GAS2: variants seen among roughly 807,000 people sequenced by gnomAD.
The protein encoded by GAS2 is growth arrest specific 2.
A neutral mutation model predicts 37.5 loss-of-function variants in GAS2; 20 were observed. The ratio of observed to expected loss-of-function variants is 0.53; its 90% CI spans 0.37 to 0.77. The LOEUF (loss-of-function observed/expected upper bound fraction) is 0.77. Ranked by LOEUF, GAS2 falls within the 30% of genes least tolerant of loss-of-function variation. GAS2 has a pLI of 0.00. For synonymous variants in GAS2, 144 were observed against 132.2 expected, an observed-to-expected ratio of 1.09 and a Z score of -0.61; for missense variants, 336 against 373.4, an observed-to-expected ratio of 0.90 and a Z score of 0.82.
chr11:22,648,573 A>ATT (rs1848732820), intron 1 of GAS2, among the ~76,000 whole-genome samples: 1 of 152,162 alleles, frequency 6.6e-6, no homozygotes, highest in Admixed American at 6.6e-5. Context: ...ATGTTCTTCC[A>ATT]TTTGTTTGTA....
At chr11:22,670,551 G>T (rs973719910) in intron 1 of GAS2, among the ~76,000 whole-genome samples, 26 of 151,986 alleles carry the variant, frequency 1.7e-4, no homozygotes, top group Non-Finnish European at 1.5e-5. Flanking sequence ...ATTGCTTTCC[G>T]TTTTGGGATA....
At chr11:22,695,132 C>T (rs1372901053) in intron 3 of GAS2, among the ~76,000 whole-genome samples, 2 of 151,904 alleles carry the variant, frequency 1.3e-5, no homozygotes, top group African/African-American at 4.8e-5. Flanking sequence ...CCAGCCTGGC[C>T]AACATGGTAA....
At chr11:22,794,880 A>G (rs1017224228) in intron 7 of GAS2, among the ~76,000 whole-genome samples, 1 of 152,096 alleles carries the variant, frequency 6.6e-6, no homozygotes, top group African/African-American at 2.4e-5. Flanking sequence ...AAACTTCTCT[A>G]CCTTGTTCTG....
chr11:22,690,438 C>T (rs964856106), intron 3 of GAS2, among the ~76,000 whole-genome samples: 1 of 151,992 alleles, frequency 6.6e-6, no homozygotes, highest in African/African-American at 2.4e-5. Context: ...TAACCTTAGC[C>T]TTTGTGTAGT....
chr11:22,642,985 G>T (rs887109519), intron 1 of GAS2, among the ~76,000 whole-genome samples: 10 of 152,218 alleles, frequency 6.6e-5, no homozygotes, highest in South Asian at 4.1e-4. Context: ...TCAGTGCATA[G>T]AGTCTAAGGT....
chr11:22,690,729 G>A (rs1344659731), intron 3 of GAS2, among the ~76,000 whole-genome samples: 3 of 152,110 alleles, frequency 2.0e-5, no homozygotes, highest in African/African-American at 4.8e-5. Context: ...TAGGTTTTAT[G>A]TCTTTTGACT....
chr11:22,803,187 A>G (rs574639805), intron 7 of GAS2, among the ~76,000 whole-genome samples: 24 of 152,240 alleles, frequency 1.6e-4, no homozygotes, highest in South Asian at 4.2e-4. Context: ...GCATTAAAAT[A>G]AAAAACCAGT....
intron 5 of GAS2, among the ~76,000 whole-genome samples, chr11:22,747,209 TTTACATTCAAA>T (rs897741797): frequency 6.4e-4 from 97 of 152,240 alleles, no homozygotes; most frequent in Non-Finnish European, 1.1e-3. Context: ...AGAGAATTTT[TTTACATTCAAA>T]TGGTAGCTGT....
chr11:22,628,015 A>G (rs143080647), intron 1 of GAS2, among the ~76,000 whole-genome samples: 82 of 152,330 alleles, frequency 5.4e-4, no homozygotes, highest in African/African-American at 1.8e-3. Context: ...CTTTAGCTTC[A>G]TACCTTTCTA....
intron 1 of GAS2, among the ~76,000 whole-genome samples, chr11:22,657,703 T>A (rs1188670558): frequency 6.6e-6 from 1 of 152,204 alleles, no homozygotes; most frequent in Non-Finnish European, 1.5e-5. Context: ...TTTTCTTCTT[T>A]TAACCTGCAG....
chr11:22,699,909 C>T (rs892224564), intron 3 of GAS2, among the ~76,000 whole-genome samples: 3 of 152,238 alleles, frequency 2.0e-5, no homozygotes, highest in Middle Eastern at 3.4e-3. Context: ...TGGCTTCATA[C>T]CTTGATTGCT....
chr11:22,686,996 G>A (rs1426637867), intron 3 of GAS2, among the ~76,000 whole-genome samples: 2 of 151,990 alleles, frequency 1.3e-5, no homozygotes, highest in East Asian at 3.9e-4. Flanking sequence ...AAACTTTGCT[G>A]CACATTGGAA....
chr11:22,754,578 T>G lies in GAS2; in HGVS notation c.616-1268T>G, dbSNP rs952713822. Among the ~76,000 whole-genome samples the G allele has an allele frequency of 4.6e-5, 7 of 151,296 alleles. 1 individual carries two copies. The highest frequency in any genetic ancestry group is 4.0e-4 in the Admixed American group (6 of 15,170). ...CATAATTGTACATGCGATAAATTTA[T>G]GAGATAAATTTAATTTCAGGGTTTT... On this transcript the variant is annotated intron_variant, in intron 6 of 7. Transcript: ENST00000454584.
At chr11:22,810,203 G>A (rs1447158330) in intron 7 of GAS2, among the ~76,000 whole-genome samples, 1 of 152,172 alleles carries the variant, frequency 6.6e-6, no homozygotes, top group Non-Finnish European at 1.5e-5. Flanking sequence ...GGGAAGAAAT[G>A]TAGCCATGAA....
intron 4 of GAS2, among the ~76,000 whole-genome samples, chr11:22,729,965 A>T (rs1852396772): frequency 6.6e-6 from 1 of 151,790 alleles, no homozygotes; most frequent in African/African-American, 2.4e-5. Context: ...AAATGTATTA[A>T]AAGGCAATTA....
chr11:22,751,988 A>T (rs544495536), intron 6 of GAS2, among the ~76,000 whole-genome samples: 5 of 152,206 alleles, frequency 3.3e-5, no homozygotes, highest in Admixed American at 2.6e-4. Flanking sequence ...GAATATAAAC[A>T]TCTGCTCAAA....
chr11:22,714,818 T>C (rs1050644856), intron 3 of GAS2, among the ~76,000 whole-genome samples: 1 of 152,132 alleles, frequency 6.6e-6, no homozygotes. Flanking sequence ...AACTGAATGA[T>C]AATAATGATG....
chr11:22,752,639 C>T (rs955713913), intron 6 of GAS2, among the ~76,000 whole-genome samples: 1 of 144,240 alleles, frequency 6.9e-6, no homozygotes, highest in African/African-American at 2.6e-5. Context: ...TCTGCCACCC[C>T]AAAAAAGAAA....
intron 7 of GAS2, among the ~76,000 whole-genome samples, chr11:22,778,010 G>A (rs1855350863): frequency 1.3e-5 from 2 of 152,158 alleles, no homozygotes; most frequent in Non-Finnish European, 2.9e-5. Flanking sequence ...TGGTATTTTG[G>A]GGGTAGACTT....
Sources: gnomAD v4.1 joint callset for allele counts (sites outside exome capture counted in the v4.1 genomes callset) on GRCh38, gnomAD v4.1.1 for gene constraint, MANE v1.5 for transcripts, NCBI Gene and HGNC (gene_info 2026-07-23, HGNC 2026-07-21) for gene names.